The following AGBL1 variants were observed in gnomAD, a reference collection of about 807,000 sequenced individuals.
AGBL1 encodes the protein cytosolic carboxypeptidase 4.
Under a neutral mutation model 118.9 loss-of-function variants are expected in AGBL1, and 130 were observed. That is an observed-to-expected ratio of 1.09 (90% CI 0.95 to 1.26). The LOEUF (loss-of-function observed/expected upper bound fraction) is 1.26, where lower values mean the gene tolerates loss of function less well. Among genes scored for constraint, AGBL1 ranks in the 50% most tolerant of loss-of-function variants. AGBL1 has a pLI of 0.00. For synonymous variants in AGBL1, 555 were observed against 478.9 expected (o/e 1.16, Z -2.08); for missense variants, 1,584 against 1,298.1 (o/e 1.22, Z -3.38).
chr15:86,554,999 T>G (rs1889798299), intron 21 of AGBL1, among the ~76,000 whole-genome samples: 2 of 152,234 alleles, frequency 1.3e-5, no homozygotes, highest in African/African-American at 2.4e-5. Context: ...TTCTCTTTGT[T>G]ATCCTGCTGT....
intron 22 of AGBL1, among the ~76,000 whole-genome samples, chr15:86,886,967 C>G (rs1172026763): frequency 2.6e-5 from 4 of 152,092 alleles, no homozygotes; most frequent in African/African-American, 9.7e-5. Context: ...TGACACAGAT[C>G]AAAGCTCTAT....
intron 22 of AGBL1, among the ~76,000 whole-genome samples, chr15:86,816,482 G>A (rs146827683): frequency 4.7e-4 from 71 of 152,326 alleles, no homozygotes; most frequent in Admixed American, 1.8e-3. Flanking sequence ...CAGGAGGATA[G>A]GTTAAAAGGA....
chr15:86,308,740 G>A (rs1441571032), intron 17 of AGBL1, among the ~76,000 whole-genome samples: 1 of 152,144 alleles, frequency 6.6e-6, no homozygotes, highest in East Asian at 1.9e-4. Flanking sequence ...ACATATGCAT[G>A]GATTTATTTC....
chr15:86,942,557 C>T (rs572113938), intron 23 of AGBL1, among the ~76,000 whole-genome samples: 122 of 152,298 alleles, frequency 8.0e-4, no homozygotes, highest in African/African-American at 2.8e-3. Context: ...TCTGAAGAGA[C>T]ATAGATTTTA....
chr15:86,859,085 T>C (rs983555402), intron 22 of AGBL1, among the ~76,000 whole-genome samples: 2 of 152,208 alleles, frequency 1.3e-5, no homozygotes, highest in African/African-American at 4.8e-5. Context: ...GCTGCTGTTA[T>C]ATTAGTGAAA....
intron 20 of AGBL1, among the ~76,000 whole-genome samples, chr15:86,549,958 A>G (rs1239769647): frequency 1.3e-5 from 2 of 152,058 alleles, no homozygotes; most frequent in Non-Finnish European, 2.9e-5. Flanking sequence ...AACCAACATG[A>G]AAAATTCACT....
chr15:86,390,364 C>A (rs2081257942), intron 17 of AGBL1, among the ~76,000 whole-genome samples: 1 of 152,018 alleles, frequency 6.6e-6, no homozygotes, highest in African/African-American at 2.4e-5. Context: ...AGAATATAGA[C>A]AATATGAGAA....
At chr15:86,396,243 GTA>G (rs3050890) in intron 17 of AGBL1, among the ~76,000 whole-genome samples, 34,529 of 126,350 alleles carry the variant, frequency 0.27, 4,944 homozygotes, top group East Asian at 0.75. Context: ...GTGTGTGTGT[GTA>G]TATATATATA....
intron 21 of AGBL1, among the ~76,000 whole-genome samples, chr15:86,649,156 T>G (rs2085331094): frequency 6.6e-6 from 1 of 152,146 alleles, no homozygotes; most frequent in African/African-American, 2.4e-5. Flanking sequence ...GATGCATACC[T>G]GAAAGAATTG....
chr15:86,156,182 A>G (rs1021991322), intron 4 of AGBL1, among the ~76,000 whole-genome samples: 1 of 152,162 alleles, frequency 6.6e-6, no homozygotes, highest in Non-Finnish European at 1.5e-5. Context: ...TGGCCTCCCA[A>G]ATTACTGGAA....
intron 22 of AGBL1, among the ~76,000 whole-genome samples, chr15:86,735,625 T>TGA (rs1362931708): frequency 6.7e-6 from 1 of 149,742 alleles, no homozygotes; most frequent in African/African-American, 2.5e-5. Context: ...TGTGTGTGTG[T>TGA]GTGTGTGTGT....
chr15:86,793,995 G>T (rs1379542265), intron 22 of AGBL1, among the ~76,000 whole-genome samples: 1 of 152,190 alleles, frequency 6.6e-6, no homozygotes, highest in Non-Finnish European at 1.5e-5. Flanking sequence ...TTAATACATT[G>T]CTGGTGCAAA....
At chr15:86,980,771 C>G (rs1054615857) in intron 23 of AGBL1, among the ~76,000 whole-genome samples, 7 of 151,664 alleles carry the variant, frequency 4.6e-5, no homozygotes, top group African/African-American at 1.7e-4. Context: ...ATTTTAAAAA[C>G]TCAAATTATA....
intron 22 of AGBL1, among the ~76,000 whole-genome samples, chr15:86,797,604 G>A (rs1311380325): frequency 6.6e-6 from 1 of 152,212 alleles, no homozygotes; most frequent in East Asian, 1.9e-4. Context: ...GTTGAGATAG[G>A]TCAGGACAAA....
intron 5 of AGBL1, among the ~76,000 whole-genome samples, chr15:86,216,146 T>C (rs2078184706): frequency 6.6e-6 from 1 of 152,208 alleles, no homozygotes; most frequent in African/African-American, 2.4e-5. Flanking sequence ...TAATAGTTTT[T>C]AGTGACTAAG....
intron 5 of AGBL1, among the ~76,000 whole-genome samples, chr15:86,203,656 T>C (rs2077943346): frequency 2.0e-5 from 3 of 152,206 alleles, no homozygotes; most frequent in African/African-American, 7.2e-5. Flanking sequence ...GTTTAATCTG[T>C]CAATAGACTT....
chr15:87,020,283 C>T (rs2081651592), intron 24 of AGBL1, among the ~76,000 whole-genome samples: 1 of 152,026 alleles, frequency 6.6e-6, no homozygotes, highest in African/African-American at 2.4e-5. Flanking sequence ...CAGACAAGGC[C>T]TTCAATAAAA....
chr15:86,867,730 A>G (rs1380892679), intron 22 of AGBL1, among the ~76,000 whole-genome samples: 2 of 152,186 alleles, frequency 1.3e-5, no homozygotes, highest in Non-Finnish European at 2.9e-5. Context: ...ATAGACATTT[A>G]AAAGAAGTAG....
intron 5 of AGBL1, among the ~76,000 whole-genome samples, chr15:86,212,858 C>T (rs2078123626): frequency 6.6e-6 from 1 of 152,172 alleles, no homozygotes. Context: ...CCATGTTGGC[C>T]AGGCTGGTTT....
Sources: gnomAD v4.1 joint callset for allele counts (sites outside exome capture counted in the v4.1 genomes callset) on GRCh38, gnomAD v4.1.1 for gene constraint, MANE v1.5 for transcripts, NCBI Gene and HGNC (gene_info 2026-07-23, HGNC 2026-07-21) for gene names.